The following TTC7B variants were observed in gnomAD, a reference collection of about 807,000 sequenced individuals.
TTC7B encodes tetratricopeptide repeat protein 7B.
Under a neutral mutation model 106.8 loss-of-function variants are expected in TTC7B, and 28 were observed. That is an observed-to-expected ratio of 0.26 (90% CI 0.19 to 0.36). The LOEUF (loss-of-function observed/expected upper bound fraction) is 0.36. Ranked by LOEUF, TTC7B falls within the 10% of genes least tolerant of loss-of-function variation. The probability of loss-of-function intolerance (pLI) is 1.00; values close to 1 mark genes in which losing one functional copy is unlikely to be tolerated. For missense variants in TTC7B, 862 were observed against 1,076.4 expected, an observed-to-expected ratio of 0.80 and a Z score of 2.79; for synonymous variants, 405 against 430.6, an observed-to-expected ratio of 0.94 and a Z score of 0.74.
intron 17 of TTC7B, among the ~76,000 whole-genome samples, chr14:90,604,454 G>A (rs141511884): frequency 1.7e-4 from 26 of 152,224 alleles, no homozygotes; most frequent in African/African-American, 2.6e-4. Context: ...CGGGTTTCTC[G>A]GCGTGGATGG....
At chr14:90,715,435 A>G (rs748367760) in intron 5 of TTC7B, among the ~76,000 whole-genome samples, 2 of 151,958 alleles carry the variant, frequency 1.3e-5, no homozygotes, top group Non-Finnish European at 2.9e-5. Flanking sequence ...CCTCTATGGG[A>G]GCTGGAAACC....
rs186298795 is a variant in TTC7B at position 90,578,894 on chromosome 14, C to T, written c.2108-586G>A. Among the ~76,000 whole-genome samples, 8 of 152,314 alleles carry T rather than the reference C, an allele frequency of 5.3e-5. No individual in the cohort carries two copies. The highest frequency in any genetic ancestry group is 8.8e-5 in the Non-Finnish European group (6 of 68,024). ...AGGGGAAGTTGATGCACCCTGTAAA[C>T]TCTTATCTGTGTCACAGTGACAAAG... On this transcript the variant is annotated intron_variant, in intron 18 of 19. Transcript: ENST00000328459. The surrounding 1 kb of genome is among the most constrained non-coding windows in gnomAD (Gnocchi z 4.7).
At chr14:90,620,965 C>G (rs1884135771) in intron 15 of TTC7B, among the ~76,000 whole-genome samples, 1 of 152,140 alleles carries the variant, frequency 6.6e-6, no homozygotes. Context: ...GAAAAAAGCA[C>G]TTGGAAGACC....
chr14:90,732,116 T>C (rs1889352129), intron 4 of TTC7B, among the ~76,000 whole-genome samples: 1 of 152,132 alleles, frequency 6.6e-6, no homozygotes, highest in Non-Finnish European at 1.5e-5. Flanking sequence ...ATAAAAATCA[T>C]TTTACAAAAA....
At chr14:90,793,524 CA>C (rs199770166) in intron 1 of TTC7B, among the ~76,000 whole-genome samples, 49 of 128,458 alleles carry the variant, frequency 3.8e-4, no homozygotes, top group African/African-American at 6.4e-4. Context: ...GACTCTGTCT[CA>C]AAAAAAAAAA....
At chr14:90,804,199 G>T (rs2030458973) in intron 1 of TTC7B, among the ~76,000 whole-genome samples, 2 of 152,064 alleles carry the variant, frequency 1.3e-5, no homozygotes, top group Non-Finnish European at 2.9e-5. Flanking sequence ...GCCGGGCGTG[G>T]TGGGGGCGCC....
At position 90,780,882 on chromosome 14, in the gene TTC7B, G is replaced by C; in HGVS notation, c.301C>G (p.Leu101Val). Reference sequence around the variant, plus strand: ...ACATAATTCAACTTGGCCATGATCAGATTGGATTCTTGTAGGAATTCTGAC... The same window carrying C: ...ACATAATTCAACTTGGCCATGATCACATTGGATTCTTGTAGGAATTCTGAC... ...LKSEFLQESNLIMAKLNYVEG... is the reference protein window; with the variant it reads ...LKSEFLQESNVIMAKLNYVEG... The change falls in exon 3 of 20, where the codon CTG becomes GTG. Residue 101 changes from leucine (L) to valine (V), a missense_variant. Physicochemically the swap from Leu to Val is conservative, Grantham distance 32. Coordinates refer to ENST00000328459, the MANE Select transcript of TTC7B (RefSeq NM_001010854.2). 6.2e-7 allele frequency: 1 copy of C among 1,614,216 alleles called. No homozygotes were observed. Among genetic ancestry groups the C allele is most frequent in the South Asian group, 1.1e-5 (1 of 91,076 alleles).
rs770794777 is a variant in TTC7B, at chr14:90,779,756, G to T, written c.445+982C>A. Among the ~76,000 whole-genome samples the T allele has an allele frequency of 5.3e-5, 8 of 152,304 alleles. No individual in the cohort carries two copies. The South Asian group carries it at 1.7e-3, about 32-fold the overall frequency. ...GATTGAGGAAGCAGCAGCTTGGAAC[G>T]GTCCGATCATCTGTGTGTCCTGTGC... On this transcript the variant is annotated intron_variant, in intron 3 of 19. Coordinates refer to ENST00000328459, the MANE Select transcript of TTC7B (RefSeq NM_001010854.2).
intron 4 of TTC7B, among the ~76,000 whole-genome samples, chr14:90,738,588 CAA>C (rs941764341): frequency 6.7e-6 from 1 of 149,000 alleles, no homozygotes; most frequent in African/African-American, 2.5e-5. Flanking sequence ...GTCTGGGAGA[CAA>C]GAGCAAAACT....
intron 15 of TTC7B, among the ~76,000 whole-genome samples, chr14:90,637,314 A>T (rs1884986884): frequency 1.3e-5 from 2 of 152,152 alleles, no homozygotes; most frequent in Non-Finnish European, 2.9e-5. Context: ...CTTATACATT[A>T]TACATAGCTT....
At chr14:90,691,190 A>G (rs943926313) in intron 6 of TTC7B, among the ~76,000 whole-genome samples, 4 of 152,218 alleles carry the variant, frequency 2.6e-5, no homozygotes, top group Non-Finnish European at 5.9e-5. Flanking sequence ...AAAAGGAAAA[A>G]AAATGAACGA....
intron 19 of TTC7B, among the ~76,000 whole-genome samples, chr14:90,561,310 G>A (rs1333865862): frequency 6.6e-6 from 1 of 152,222 alleles, no homozygotes; most frequent in Admixed American, 6.5e-5. Flanking sequence ...ACTGGCAAGG[G>A]TGGACCCCAG....
chr14:90,803,153 A>T lies in TTC7B; in HGVS notation c.121+13022T>A, dbSNP rs576451658. Among the ~76,000 whole-genome samples, 168 of 151,870 alleles carry T rather than the reference A, an allele frequency of 1.1e-3. 1 individual carries two copies. Among genetic ancestry groups the T allele is most frequent in the Non-Finnish European group, 1.8e-3 (119 of 67,922 alleles). The stretch of plus-strand genomic sequence containing the variant: ...GCGAGACTCCGATGCAAAAAAAAAA[A>T]ATATGAATGAGTTGACCCCATGTAA... On this transcript the variant is annotated intron_variant, in intron 1 of 19. Transcript: ENST00000328459.
chr14:90,652,810 C>T (rs777035224), intron 13 of TTC7B, 31 bp downstream of exon 13: 6 of 1,612,036 alleles, frequency 3.7e-6, no homozygotes, highest in Non-Finnish European at 4.2e-6. Flanking sequence ...TCATTATGTA[C>T]AGCCGAGTGA....
chr14:90,567,139 G>T (rs543333732), intron 19 of TTC7B, among the ~76,000 whole-genome samples: 2 of 152,198 alleles, frequency 1.3e-5, no homozygotes, highest in African/African-American at 2.4e-5. Flanking sequence ...TCAGCACCCC[G>T]CAAGAGCCTG....
At chr14:90,559,994 C>CAGAGAA (rs1245288519) in intron 19 of TTC7B, among the ~76,000 whole-genome samples, 6 of 152,258 alleles carry the variant, frequency 3.9e-5, no homozygotes, top group African/African-American at 1.4e-4. Flanking sequence ...TGGCCCCTGT[C>CAGAGAA]CCTCTGGAAT....
At chr14:90,721,386 C>T (rs1459840868) in intron 5 of TTC7B, among the ~76,000 whole-genome samples, 1 of 152,142 alleles carries the variant, frequency 6.6e-6, no homozygotes, top group Non-Finnish European at 1.5e-5. Context: ...TAATTAAAAT[C>T]GTTAGAGATT....
At chr14:90,730,265 C>G in intron 4 of TTC7B, 69 bp from the exon 5 acceptor site, 1 of 1,531,114 alleles carries the variant, frequency 6.5e-7, no homozygotes, top group Non-Finnish European at 8.7e-7. Flanking sequence ...AACCCTATCT[C>G]TAAATGTACT....
chr14:90,772,249 A>T (rs910577121), intron 3 of TTC7B, among the ~76,000 whole-genome samples: 6 of 152,066 alleles, frequency 3.9e-5, no homozygotes, highest in Non-Finnish European at 8.8e-5. Context: ...TCCTAGGGAA[A>T]TCATTAAGAA....
Sources: gnomAD v4.1 joint callset for allele counts (sites outside exome capture counted in the v4.1 genomes callset) on GRCh38, gnomAD v4.1.1 for gene constraint, Gnocchi (gnomAD v3.1) non-coding constraint, MANE v1.5 for transcripts, NCBI Gene and HGNC (gene_info 2026-07-23, HGNC 2026-07-21) for gene names.